PREX1: variants seen among roughly 807,000 people sequenced by gnomAD.
The protein encoded by PREX1 is phosphatidylinositol 3,4,5-trisphosphate-dependent Rac exchanger 1 protein.
A neutral mutation model predicts 198.3 loss-of-function variants in PREX1; 41 were observed. The observed-to-expected ratio is 0.21, with a 90% CI of 0.16 to 0.27. The LOEUF (loss-of-function observed/expected upper bound fraction) is 0.27. Ranked by LOEUF, PREX1 falls within the 10% of genes least tolerant of loss-of-function variation. PREX1 has a pLI of 1.00. For synonymous variants in PREX1, 843 were observed against 887.2 expected (o/e 0.95, Z 0.89); for missense variants, 1,620 against 2,200.7 (o/e 0.74, Z 5.28).
chr20:48,796,275 C>T (rs1191689600), intron 1 of PREX1, among the ~76,000 whole-genome samples: 1 of 151,504 alleles, frequency 6.6e-6, no homozygotes, highest in East Asian at 1.9e-4. Context: ...ACCTCAGTGT[C>T]CATCAACAGG....
intron 1 of PREX1, among the ~76,000 whole-genome samples, 162 bp from the exon 2 acceptor site, chr20:48,748,042 C>A (rs1034479052): frequency 6.6e-6 from 1 of 152,144 alleles, no homozygotes; most frequent in Non-Finnish European, 1.5e-5. Flanking sequence ...CTGCTTACAC[C>A]TTAAACACAC....
At chr20:48,690,816 A>G in intron 9 of PREX1, 131 bp downstream of exon 9, 1 of 1,333,092 alleles carries the variant, frequency 7.5e-7, no homozygotes, top group East Asian at 2.4e-5. Flanking sequence ...TGTCCCTTCA[A>G]ATACCTGCTT....
rs541958007 is a variant in PREX1, at chr20:48,680,393, G to A, written c.1436-639C>T. On this transcript the variant is annotated intron_variant, in intron 11 of 39. Coordinates refer to ENST00000371941, the MANE Select transcript of PREX1 (RefSeq NM_020820.4). Reference sequence around the variant, plus strand: ...CCAGAGGGATTCTGCCAGCGTGTTCGTCCAAGCAGGTCTTTCCTCTACGCA... The same window carrying A: ...CCAGAGGGATTCTGCCAGCGTGTTCATCCAAGCAGGTCTTTCCTCTACGCA... Among the ~76,000 whole-genome samples, 10 of 152,240 alleles carry A rather than the reference G, an allele frequency of 6.6e-5. No individual in the cohort carries two copies. The South Asian group carries it at 1.2e-3, about 19-fold the overall frequency.
At chr20:48,757,223 C>T (rs988397896) in intron 1 of PREX1, among the ~76,000 whole-genome samples, 1 of 152,136 alleles carries the variant, frequency 6.6e-6, no homozygotes, top group Non-Finnish European at 1.5e-5. Context: ...TCTCATCCTC[C>T]TCCATCCCCC....
At chr20:48,841,628 G>GTGAA in the PREX1 span, among the ~76,000 whole-genome samples, 1 of 152,188 alleles carries the variant, frequency 6.6e-6, no homozygotes, top group Non-Finnish European at 1.5e-5. Flanking sequence ...AAATGAATGA[G>GTGAA]TGAATGAATG....
chr20:48,884,220 G>C, the PREX1 span, among the ~76,000 whole-genome samples: 1 of 150,288 alleles, frequency 6.7e-6, no homozygotes, highest in African/African-American at 2.4e-5. Flanking sequence ...AAGCAACCCA[G>C]AACAGCCAAG....
intron 19 of PREX1, among the ~76,000 whole-genome samples, 181 bp from the exon 20 acceptor site, chr20:48,653,678 T>C (rs1043591567): frequency 6.6e-6 from 1 of 152,232 alleles, no homozygotes; most frequent in African/African-American, 2.4e-5. Flanking sequence ...TGTTCCCATT[T>C]TGCAGAAGAA....
chr20:48,649,681 A>C, intron 24 of PREX1, 105 bp from the exon 25 acceptor site: 99 of 1,274,590 alleles, frequency 7.8e-5, no homozygotes, highest in Middle Eastern at 2.4e-4. Context: ...ATGAAGGAGA[A>C]AAATGTCCCT....
chr20:48,843,746 G>C, the PREX1 span, among the ~76,000 whole-genome samples: 1 of 152,176 alleles, frequency 6.6e-6, no homozygotes. Flanking sequence ...GAGGCATGGA[G>C]TTTGGACAGC....
chr20:48,646,634 A>G (rs1207842987), intron 25 of PREX1, among the ~76,000 whole-genome samples: 1 of 150,958 alleles, frequency 6.6e-6, no homozygotes, highest in African/African-American at 2.4e-5. Flanking sequence ...GGTTGAAGTG[A>G]GCCAAGATCG....
chr20:48,630,744 G>T lies in PREX1; in HGVS notation c.4577C>A (p.Ala1526Glu). The change falls in exon 36 of 40, where the codon GCG becomes GAG. Residue 1526 changes from alanine to glutamate, a missense_variant. Coordinates refer to ENST00000371941, the MANE Select transcript of PREX1 (RefSeq NM_020820.4). ...SNLPTDASTT[A>E]VKIDQLIRPI... ...TGGACATACCTGGTCTATCTTTACC[G>T]CCGTGGTGCTGGCATCCGTGGGCAG... The T allele has an allele frequency of 2.5e-6, 4 of 1,598,308 alleles. No individual in the cohort carries two copies. Among genetic ancestry groups the T allele is most frequent in the Non-Finnish European group, 3.4e-6 (4 of 1,165,734 alleles).
intron 3 of PREX1, among the ~76,000 whole-genome samples, chr20:48,740,091 C>T (rs1332776457): frequency 6.6e-6 from 1 of 152,306 alleles, no homozygotes; most frequent in East Asian, 1.9e-4. Flanking sequence ...TGGGCCAGGG[C>T]CCCTTCCTCT....
At chr20:48,807,419 C>CT (rs1179801297) in intron 1 of PREX1, among the ~76,000 whole-genome samples, 3 of 152,202 alleles carry the variant, frequency 2.0e-5, no homozygotes, top group African/African-American at 7.2e-5. Context: ...CAACCTCATT[C>CT]TTTCCAACAG....
chr20:48,767,893 C>G (rs1256611133), intron 1 of PREX1, among the ~76,000 whole-genome samples: 2 of 152,202 alleles, frequency 1.3e-5, no homozygotes, highest in South Asian at 2.1e-4. Flanking sequence ...AAGTCGCCCC[C>G]GAGCCACCCT....
intron 1 of PREX1, among the ~76,000 whole-genome samples, chr20:48,803,481 G>C (rs906714620): frequency 5.3e-5 from 8 of 152,104 alleles, no homozygotes; most frequent in African/African-American, 1.9e-4. Flanking sequence ...TATTTTCAAG[G>C]AGTGGGGTAA....
chr20:48,735,654 C>A (rs958291826), intron 3 of PREX1, among the ~76,000 whole-genome samples: 1 of 151,918 alleles, frequency 6.6e-6, no homozygotes, highest in African/African-American at 2.4e-5. Flanking sequence ...ACAGGCTGCA[C>A]GCTGCTCTCC....
intron 1 of PREX1, among the ~76,000 whole-genome samples, chr20:48,787,313 A>C (rs2090317558): frequency 6.6e-6 from 1 of 152,120 alleles, no homozygotes; most frequent in Non-Finnish European, 1.5e-5. Context: ...AATCATGTAA[A>C]AGCTGGCTCT....
chr20:48,832,371 A>G (rs145159678), upstream of PREX1, among the ~76,000 whole-genome samples: 1 of 152,302 alleles, frequency 6.6e-6, no homozygotes, highest in African/African-American at 2.4e-5. Context: ...CCCCCTTCCC[A>G]AGCTCTGTTT....
At chr20:48,633,136 G>A (rs372971565) in intron 33 of PREX1, among the ~76,000 whole-genome samples, 1 of 152,112 alleles carries the variant, frequency 6.6e-6, no homozygotes. Context: ...TGCACCCATG[G>A]CAGACATCAC....
Sources: gnomAD v4.1 joint callset for allele counts (sites outside exome capture counted in the v4.1 genomes callset) on GRCh38, gnomAD v4.1.1 for gene constraint, MANE v1.5 for transcripts, NCBI Gene and HGNC (gene_info 2026-07-23, HGNC 2026-07-21) for gene names.